Variants in PHACTR1 observed in about 807,000 individuals in gnomAD.
The protein encoded by PHACTR1 is phosphatase and actin regulator 1, also known as RPEL repeat containing 1.
In PHACTR1, 16 loss-of-function variants were observed where a neutral mutation model predicts 69.2. That is an observed-to-expected ratio of 0.23 (90% confidence interval 0.16 to 0.35). The LOEUF (loss-of-function observed/expected upper bound fraction) is 0.35, where lower values mean the gene tolerates loss of function less well. PHACTR1 is among the 10% of genes least tolerant of loss of function. The pLI, the probability that PHACTR1 is intolerant of heterozygous loss-of-function variation, is 1.00. For synonymous variants in PHACTR1, 312 were observed against 284.5 expected (o/e 1.10, Z -0.97); for missense variants, 510 against 734.7 (o/e 0.69, Z 3.54).
chr6:13,010,845 T>C (rs1468613409), intron 4 of PHACTR1, among the ~76,000 whole-genome samples: 1 of 151,566 alleles, frequency 6.6e-6, no homozygotes, highest in African/African-American at 2.4e-5. Flanking sequence ...AAGGAAACGA[T>C]AATAATGGAC....
intron 4 of PHACTR1, among the ~76,000 whole-genome samples, chr6:13,008,708 G>A (rs1799113692): frequency 1.3e-5 from 2 of 152,290 alleles, no homozygotes; most frequent in South Asian, 4.1e-4. Context: ...GAACCATTTA[G>A]AAGTACTTTT....
chr6:13,128,768 G>C (rs1819949129), intron 5 of PHACTR1, among the ~76,000 whole-genome samples: 1 of 152,146 alleles, frequency 6.6e-6, no homozygotes, highest in South Asian at 2.1e-4. Flanking sequence ...CCTTGCTAGA[G>C]ATCTAGACAT....
At chr6:13,028,048 C>T (rs992004551) in intron 4 of PHACTR1, among the ~76,000 whole-genome samples, 1 of 152,130 alleles carries the variant, frequency 6.6e-6, no homozygotes, top group African/African-American at 2.4e-5. Context: ...TCTCAGAGCC[C>T]CTGGTGTGAA....
In PHACTR1 at chr6:13,235,018, G is replaced by A. The variant is rs114352433; in HGVS notation, c.1391+4825G>A. ...GTGCCTGAATTGTAATGCGCATGGT[G>A]TATCACTGCAGTAGTACCTGTGTCT... On this transcript the variant is annotated intron_variant, in intron 10 of 14. Coordinates refer to ENST00000332995, the MANE Select transcript of PHACTR1 (RefSeq NM_030948.6). 2.3e-3 allele frequency among the ~76,000 whole-genome samples: 354 copies of A among 152,296 alleles called. 1 individual carries two copies. The highest frequency in any genetic ancestry group is 8.0e-3 in the African/African-American group (332 of 41,550).
intron 9 of PHACTR1, among the ~76,000 whole-genome samples, chr6:13,228,533 G>C (rs920088348): frequency 6.6e-6 from 1 of 152,230 alleles, no homozygotes; most frequent in Non-Finnish European, 1.5e-5. Context: ...TAAGAGACAA[G>C]AGAAGAAATG....
chr6:12,944,981 A>C (rs1464781031), intron 4 of PHACTR1, among the ~76,000 whole-genome samples: 1 of 151,866 alleles, frequency 6.6e-6, no homozygotes, highest in East Asian at 1.9e-4. Flanking sequence ...ACGGGGTTTC[A>C]CCGTGTTAGC....
At chr6:12,815,975 A>T (rs1775538091) in intron 4 of PHACTR1, among the ~76,000 whole-genome samples, 1 of 152,214 alleles carries the variant, frequency 6.6e-6, no homozygotes, top group Non-Finnish European at 1.5e-5. Context: ...TTCCAAAGAG[A>T]AGGATCCCTC....
intron 4 of PHACTR1, among the ~76,000 whole-genome samples, chr6:12,751,414 T>C (rs765594580): frequency 6.6e-6 from 1 of 152,236 alleles, no homozygotes; most frequent in African/African-American, 2.4e-5. Flanking sequence ...AAAGGACCGA[T>C]AATAGTTTCT....
chr6:12,869,202 C>T (rs912449955), intron 4 of PHACTR1, among the ~76,000 whole-genome samples: 2 of 152,124 alleles, frequency 1.3e-5, no homozygotes, highest in Admixed American at 6.5e-5. Context: ...AGTGGTTCCC[C>T]AAGATGTACA....
chr6:13,146,046 T>C (rs1823299864), intron 5 of PHACTR1, among the ~76,000 whole-genome samples: 2 of 152,242 alleles, frequency 1.3e-5, no homozygotes, highest in African/African-American at 4.8e-5. Context: ...AAGGCAGTGA[T>C]AATGTCATCC....
rs748654406 is a variant in PHACTR1, at chr6:12,933,638, T to A, written c.251-119727T>A. On this transcript the variant is annotated intron_variant, in intron 4 of 14. Coordinates refer to ENST00000332995, the MANE Select transcript of PHACTR1 (RefSeq NM_030948.6). ...CATGTTTCCACAATGTCCAGGCGTTTCCCTTTTTGGGGATATGGATGAAGC... is the reference window on the plus strand; with the variant it reads ...CATGTTTCCACAATGTCCAGGCGTTACCCTTTTTGGGGATATGGATGAAGC... 6.2e-6 allele frequency: 10 copies of A among 1,612,606 alleles called. No individual in the cohort carries two copies. In the East Asian group the frequency reaches 1.3e-4, roughly 22 times the overall value.
chr6:12,867,076 G>A (rs569367904), intron 4 of PHACTR1, among the ~76,000 whole-genome samples: 75 of 152,260 alleles, frequency 4.9e-4, no homozygotes, highest in Non-Finnish European at 9.0e-4. Flanking sequence ...GCTGCATCAG[G>A]CACTGGTGAA....
chr6:13,161,243 G>A lies in PHACTR1; in HGVS notation c.496+959G>A, dbSNP rs143781754. 1.9e-3 allele frequency among the ~76,000 whole-genome samples: 292 copies of A among 152,298 alleles called. 1 individual carries two copies. The highest frequency in any genetic ancestry group is 6.7e-3 in the African/African-American group (280 of 41,550). On this transcript the variant is annotated intron_variant, in intron 6 of 14. Transcript: ENST00000332995. ...TCTTCCCACCTCAGCCTCCCAAAGT[G>A]CTGGGATTACAGGCGTGAGCCACCG...
chr6:13,169,902 C>G (rs1397992968), intron 6 of PHACTR1, among the ~76,000 whole-genome samples: 3 of 152,134 alleles, frequency 2.0e-5, no homozygotes, highest in Non-Finnish European at 4.4e-5. Flanking sequence ...CTAAGGTATC[C>G]CAAATGCCTC....
intron 5 of PHACTR1, among the ~76,000 whole-genome samples, chr6:13,152,995 T>C (rs1366127263): frequency 6.6e-6 from 1 of 152,074 alleles, no homozygotes; most frequent in East Asian, 1.9e-4. Flanking sequence ...CCTGGAGTGC[T>C]GAGGACAGGT....
rs374257439 is a variant in PHACTR1, at chr6:12,891,432, C to T, written c.250+141642C>T. Among the ~76,000 whole-genome samples the T allele has an allele frequency of 3.9e-5, 6 of 152,270 alleles. No individual in the cohort carries two copies. The East Asian group carries it at 1.2e-3, about 29-fold the overall frequency. On this transcript the variant is annotated intron_variant, in intron 4 of 14. Transcript: ENST00000332995. ...TTCTGACTTTCTTATAAATATGGTGCTGTCATTACTTAGATTGAGACATGT... is the reference window on the plus strand; with the variant it reads ...TTCTGACTTTCTTATAAATATGGTGTTGTCATTACTTAGATTGAGACATGT...
chr6:12,808,729 G>C (rs909660329), intron 4 of PHACTR1, among the ~76,000 whole-genome samples: 1 of 151,922 alleles, frequency 6.6e-6, no homozygotes, highest in Non-Finnish European at 1.5e-5. Context: ...TGATAAAATA[G>C]TAGTGATTTT....
chr6:13,076,119 C>G (rs569695635), intron 5 of PHACTR1, among the ~76,000 whole-genome samples: 2 of 147,192 alleles, frequency 1.4e-5, no homozygotes, highest in East Asian at 4.0e-4. Context: ...TTCCTTTGTT[C>G]GACAAACACT....
At chr6:13,170,209 C>T (rs1273245747) in intron 6 of PHACTR1, among the ~76,000 whole-genome samples, 1 of 152,212 alleles carries the variant, frequency 6.6e-6, no homozygotes, top group Non-Finnish European at 1.5e-5. Flanking sequence ...GGATTACCCT[C>T]ATGTCTCATA....
Sources: gnomAD v4.1 joint callset for allele counts (sites outside exome capture counted in the v4.1 genomes callset) on GRCh38, gnomAD v4.1.1 for gene constraint, MANE v1.5 for transcripts, NCBI Gene and HGNC (gene_info 2026-07-23, HGNC 2026-07-21) for gene names.